Variants in PKN2 observed in about 807,000 individuals in gnomAD.
PKN2 encodes protein kinase N2, also known as serine/threonine-protein kinase N2.
Under a neutral mutation model 119.1 loss-of-function variants are expected in PKN2, and 38 were observed. The observed-to-expected ratio is 0.32, with a 90% CI of 0.25 to 0.42. The LOEUF (loss-of-function observed/expected upper bound fraction) is 0.42. Ranked by LOEUF, PKN2 falls within the 10% of genes least tolerant of loss-of-function variation. The pLI is 1.00. For missense variants in PKN2, 850 were observed against 1,165.1 expected, an observed-to-expected ratio of 0.73 and a Z score of 3.94; for synonymous variants, 390 against 384.9, an observed-to-expected ratio of 1.01 and a Z score of -0.15.
At chr1:88,726,763 G>GC (rs1557569215) in intron 1 of PKN2, among the ~76,000 whole-genome samples, 1 of 150,498 alleles carries the variant, frequency 6.6e-6, no homozygotes. Context: ...AGTTTTGGTG[G>GC]TTTTTTTTTG....
intron 3 of PKN2, among the ~76,000 whole-genome samples, chr1:88,769,108 T>C (rs1173240794): frequency 6.6e-6 from 1 of 152,204 alleles, no homozygotes; most frequent in Non-Finnish European, 1.5e-5. Context: ...TAGGCCTCGC[T>C]TCAGACACTG....
intron 2 of PKN2, among the ~76,000 whole-genome samples, chr1:88,751,845 A>G (rs1382861102): frequency 6.6e-6 from 1 of 151,990 alleles, no homozygotes; most frequent in Non-Finnish European, 1.5e-5. Flanking sequence ...TTCTAAGTTG[A>G]CATCTATTTT....
rs576740614 is a variant in PKN2 at position 88,693,134 on chromosome 1, A to G, written c.48+8506A>G. Among the ~76,000 whole-genome samples the G allele has an allele frequency of 3.3e-5, 5 of 152,266 alleles. No individual in the cohort carries two copies. The East Asian group carries it at 9.6e-4, about 29-fold the overall frequency. On this transcript the variant is annotated intron_variant, in intron 1 of 21. Coordinates refer to ENST00000370521, the MANE Select transcript of PKN2 (RefSeq NM_006256.4). ...CATCAGTTGCTTATTTTCCAATTCC[A>G]TACCTCTCTGTTGCAAACTACTTAT...
chr1:88,830,587 G>A (rs1672688192), intron 19 of PKN2, among the ~76,000 whole-genome samples: 1 of 151,818 alleles, frequency 6.6e-6, no homozygotes, highest in Non-Finnish European at 1.5e-5. Context: ...GAGATGACAT[G>A]TGCAAAATAT....
intron 1 of PKN2, among the ~76,000 whole-genome samples, chr1:88,715,298 G>A (rs1229394443): frequency 6.6e-6 from 1 of 152,088 alleles, no homozygotes; most frequent in African/African-American, 2.4e-5. Context: ...AGTTAGGGAG[G>A]GTTCCCTCTT....
chr1:88,797,727 C>T (rs1671147793), intron 8 of PKN2, among the ~76,000 whole-genome samples: 1 of 152,018 alleles, frequency 6.6e-6, no homozygotes, highest in African/African-American at 2.4e-5. Context: ...CTGTGCCTCA[C>T]TTGTTATTAG....
At chr1:88,705,916 C>G (rs1207719566) in intron 1 of PKN2, among the ~76,000 whole-genome samples, 2 of 151,890 alleles carry the variant, frequency 1.3e-5, no homozygotes, top group African/African-American at 2.4e-5. Context: ...GTCTCGGAAT[C>G]TGGGAGTATT....
chr1:88,773,792 AAGAG>A (rs1237626327), intron 6 of PKN2, among the ~76,000 whole-genome samples: 3 of 152,134 alleles, frequency 2.0e-5, no homozygotes, highest in East Asian at 1.9e-4. Context: ...GAAAGAAAGA[AAGAG>A]AGAGAAACAT....
intron 16 of PKN2, among the ~76,000 whole-genome samples, chr1:88,817,607 C>T (rs1672054596): frequency 6.7e-6 from 1 of 149,702 alleles, no homozygotes; most frequent in Non-Finnish European, 1.5e-5. Flanking sequence ...GCTCAGGAGG[C>T]AGGAGGCAGG....
Position 88,807,686 on chromosome 1 carries a change from G to A in PKN2, c.2013G>A (p.Val671=). Residue 671 remains valine, a splice_region_variant and synonymous_variant, in exon 15 of 22, where the codon GTG becomes GTA. Transcript: ENST00000370521. The part of the protein sequence containing the change: ...AVLGRGHFGK[V]LLAEYKNTNE... Reference sequence around the variant, plus strand: ...TAATTATTTTAATTTTATTTCAGGTGCTTTTAGCTGAATATAAAAACACAA... The same window carrying A: ...TAATTATTTTAATTTTATTTCAGGTACTTTTAGCTGAATATAAAAACACAA... 4 of 1,582,984 alleles carry A rather than the reference G, an allele frequency of 2.5e-6. No homozygotes were observed. The highest frequency in any genetic ancestry group is 3.4e-6 in the Non-Finnish European group (4 of 1,159,672).
chr1:88,752,386 A>G (rs1669038533), intron 2 of PKN2, among the ~76,000 whole-genome samples: 2 of 152,108 alleles, frequency 1.3e-5, no homozygotes, highest in Admixed American at 6.5e-5. Flanking sequence ...CACAATCTGT[A>G]TAGGATAAAT....
chr1:88,746,465 C>T (rs1198656066), intron 2 of PKN2, among the ~76,000 whole-genome samples: 2 of 150,512 alleles, frequency 1.3e-5, no homozygotes, highest in African/African-American at 4.9e-5. Context: ...AGACATTTAT[C>T]AAAAGAAGGC....
intron 8 of PKN2, among the ~76,000 whole-genome samples, chr1:88,789,038 CT>C (rs1353391831): frequency 4.6e-5 from 7 of 152,110 alleles, no homozygotes; most frequent in African/African-American, 1.7e-4. Flanking sequence ...GAGCCCTGTC[CT>C]TAGAACCAAA....
At chr1:88,687,914 A>AT (rs1345503294) in intron 1 of PKN2, among the ~76,000 whole-genome samples, 1 of 152,214 alleles carries the variant, frequency 6.6e-6, no homozygotes, top group Admixed American at 6.5e-5. Flanking sequence ...TATATCAGAC[A>AT]TTGTACTTAG....
At position 88,833,627 on chromosome 1, in the gene PKN2, CATT is replaced by C. The variant is rs1382969600; in HGVS notation, c.*180_*182del. Reference sequence around the variant, plus strand: ...TAATACTTCTTCAAAAGTGGCTCCTCATTGTACTTCAGCGTAAATATGAGCACT... The same window carrying C: ...TAATACTTCTTCAAAAGTGGCTCCTCGTACTTCAGCGTAAATATGAGCACT... On this transcript the variant is annotated 3_prime_UTR_variant, in exon 22 of 22. Transcript: ENST00000370521. 3 of 580,008 alleles carry C rather than the reference CATT, an allele frequency of 5.2e-6. No individual in the cohort carries two copies. The Admixed American group carries it at 9.6e-5, about 19-fold the overall frequency. The allele number at this position is 580,008 out of a possible 1,614,324, so 35.9% of individuals were successfully genotyped here.
At chr1:88,745,471 CTATA>C (rs1668734991) in intron 2 of PKN2, among the ~76,000 whole-genome samples, 2 of 152,018 alleles carry the variant, frequency 1.3e-5, no homozygotes. Flanking sequence ...TATATACTAA[CTATA>C]TAATATCTGA....
chr1:88,784,565 G>A, intron 6 of PKN2, 74 bp from the exon 7 acceptor site: 3 of 904,204 alleles, frequency 3.3e-6, no homozygotes, highest in South Asian at 6.9e-5. Context: ...TTTTTGAATA[G>A]GTAAGAGATT....
intron 18 of PKN2, among the ~76,000 whole-genome samples, chr1:88,826,574 A>G (rs1672509020): frequency 6.6e-6 from 1 of 151,414 alleles, no homozygotes; most frequent in Non-Finnish European, 1.5e-5. Context: ...CTCATCATCC[A>G]CCCCCCTTCC....
At chr1:88,791,988 T>C (rs769131479) in intron 8 of PKN2, among the ~76,000 whole-genome samples, 12 of 152,216 alleles carry the variant, frequency 7.9e-5, no homozygotes, top group Admixed American at 6.5e-4. Context: ...TTTTACATGT[T>C]ATAAACTGTC....
Sources: allele counts gnomAD v4.1 joint callset (sites outside exome capture counted in the v4.1 genomes callset), GRCh38; gene constraint gnomAD v4.1.1; transcripts MANE v1.5; gene names NCBI Gene and HGNC (gene_info 2026-07-23, HGNC 2026-07-21).